Variants in PIEZO2 observed in about 807,000 individuals in gnomAD.
The protein encoded by PIEZO2 is piezo type mechanosensitive ion channel component 2.
Under a neutral mutation model 337.3 loss-of-function variants are expected in PIEZO2, and 172 were observed. That is an observed-to-expected ratio of 0.51 (90% confidence interval 0.45 to 0.58). The LOEUF (loss-of-function observed/expected upper bound fraction) is 0.58. PIEZO2 is among the 20% of genes least tolerant of loss of function. PIEZO2 has a pLI of 0.00. For synonymous variants in PIEZO2, 1,251 were observed against 1,228.5 expected (o/e 1.02, Z -0.38); for missense variants, 3,028 against 3,391.3 (o/e 0.89, Z 2.66).
chr18:11,010,760 C>A (rs80130388), intron 2 of PIEZO2, among the ~76,000 whole-genome samples: 2,042 of 152,260 alleles, frequency 0.013, 52 homozygotes, highest in African/African-American at 0.047. Flanking sequence ...TTACTTTGCC[C>A]TTCATGGCAA....
chr18:10,967,406 A>C (rs903871587), intron 3 of PIEZO2, among the ~76,000 whole-genome samples: 3 of 152,072 alleles, frequency 2.0e-5, no homozygotes, highest in Non-Finnish European at 2.9e-5. Flanking sequence ...TGCTCCTATA[A>C]ACATGTGTGT....
At chr18:10,739,969 G>A (rs1450865715) in intron 33 of PIEZO2, 1 of 152,158 alleles carries the variant, frequency 6.6e-6, no homozygotes, top group Non-Finnish European at 1.5e-5. Context: ...TACTTTATTT[G>A]ATTTCCTAGT....
At chr18:10,790,550 T>C (rs905022223) in intron 14 of PIEZO2, among the ~76,000 whole-genome samples, 3 of 152,232 alleles carry the variant, frequency 2.0e-5, no homozygotes, top group African/African-American at 7.2e-5. Flanking sequence ...TATACTATTG[T>C]TAAGAAAGAA....
chr18:10,860,188 G>A (rs892334497), intron 5 of PIEZO2, among the ~76,000 whole-genome samples: 23 of 152,130 alleles, frequency 1.5e-4, no homozygotes, highest in African/African-American at 5.3e-4. Flanking sequence ...TTTGGAATTC[G>A]CCAGCATATG....
chr18:11,093,647 C>T (rs868353816), intron 1 of PIEZO2, among the ~76,000 whole-genome samples: 10 of 134,860 alleles, frequency 7.4e-5, no homozygotes, highest in South Asian at 2.5e-4. Context: ...AGTGCAGTGG[C>T]GCAATCTCGG....
Position 11,008,556 on chromosome 18 carries a change from C to T in PIEZO2, c.161-28896G>A, listed in dbSNP as rs369477620. ...GGCCCACTCTTGTTTAGTTCACTGG[C>T]TTCCAAAACATGACTCGGCTTCTGA... On this transcript the variant is annotated intron_variant, in intron 2 of 55. Transcript: ENST00000674853. Among the ~76,000 whole-genome samples, 61 of 152,292 alleles carry T rather than the reference C, an allele frequency of 4.0e-4. 1 individual carries two copies. Among genetic ancestry groups the T allele is most frequent in the African/African-American group, 1.4e-3 (60 of 41,560 alleles).
intron 1 of PIEZO2, among the ~76,000 whole-genome samples, chr18:11,138,741 T>A (rs1158808262): frequency 6.6e-6 from 1 of 152,158 alleles, no homozygotes; most frequent in Non-Finnish European, 1.5e-5. Context: ...TAATACAACA[T>A]TCTGTAATGA....
intron 4 of PIEZO2, among the ~76,000 whole-genome samples, chr18:10,893,449 T>G (rs1190179637): frequency 6.6e-6 from 1 of 151,164 alleles, no homozygotes; most frequent in South Asian, 2.1e-4. Context: ...TATTGACCCC[T>G]CTTTAATTCA....
intron 1 of PIEZO2, among the ~76,000 whole-genome samples, chr18:11,103,455 C>T (rs1048082996): frequency 4.6e-5 from 7 of 152,150 alleles, no homozygotes; most frequent in African/African-American, 1.7e-4. Context: ...ACTCCTAAGC[C>T]AGATAGAATC....
chr18:10,860,524 C>A (rs763939696), intron 5 of PIEZO2, among the ~76,000 whole-genome samples: 3 of 152,188 alleles, frequency 2.0e-5, no homozygotes, highest in Non-Finnish European at 4.4e-5. Context: ...AGGACACCCA[C>A]ACCATCGTCA....
At chr18:10,744,057 G>T in intron 31 of PIEZO2, 85 bp downstream of exon 31, 1 of 952,786 alleles carries the variant, frequency 1.0e-6, no homozygotes, top group Non-Finnish European at 1.6e-6. Context: ...TCAGGGGTTT[G>T]AGGCTCCCCA....
chr18:10,699,975 T>G (rs2035265732), intron 43 of PIEZO2, among the ~76,000 whole-genome samples: 2 of 152,374 alleles, frequency 1.3e-5, no homozygotes, highest in South Asian at 2.1e-4. Flanking sequence ...ACTCCGAGAA[T>G]GATCAATCCA....
chr18:10,750,062 C>T lies in PIEZO2; in HGVS notation c.4264+29G>A. 7 of 1,473,914 alleles carry T rather than the reference C, an allele frequency of 4.7e-6. No homozygotes were observed. The highest frequency in any genetic ancestry group is 6.4e-6 in the Non-Finnish European group (7 of 1,089,162). 91.3% of individuals were successfully genotyped at this position (1,473,914 alleles called of 1,614,324 possible). ...CAACTATCCTCCCTCTTCTGCCTTT[C>T]TGCCTTCACACTTGCTTTTCATACT... On this transcript the variant is annotated intron_variant, in intron 29 of 55. Transcript: ENST00000674853. This position sits in a 1 kb window ranked among gnomAD's most constrained non-coding sequence, Gnocchi z 4.1.
rs980821335 is a variant in PIEZO2 at position 10,973,596 on chromosome 18, A to C, written c.286+5939T>G. ...CACAGGTGGCCAGAAGTAAAGATAT[A>C]GCTTGGACCAGTTTTTTAAATTGTT... On this transcript the variant is annotated intron_variant, in intron 3 of 55. Transcript: ENST00000674853. This position sits in a 1 kb window ranked among gnomAD's most constrained non-coding sequence, Gnocchi z 4.9. Among the ~76,000 whole-genome samples, 1 of 152,258 alleles carries C rather than the reference A, an allele frequency of 6.6e-6. No individual in the cohort carries two copies. The highest frequency in any genetic ancestry group is 2.1e-4 in the South Asian group (1 of 4,832).
intron 2 of PIEZO2, among the ~76,000 whole-genome samples, chr18:11,049,734 C>A (rs937952554): frequency 3.3e-4 from 50 of 152,294 alleles, no homozygotes; most frequent in African/African-American, 2.4e-5. Flanking sequence ...CTTGGCTCTC[C>A]TTCTGTCTTG....
chr18:11,147,284 G>T (rs2040833625), intron 1 of PIEZO2, among the ~76,000 whole-genome samples: 1 of 152,146 alleles, frequency 6.6e-6, no homozygotes, highest in South Asian at 2.1e-4. Flanking sequence ...CCCTCCTGCT[G>T]CCCCGGGACC....
In PIEZO2 at chr18:10,697,859, C is replaced by T; in HGVS notation, c.6716G>A (p.Ser2239Asn). Residue 2239 changes from serine (S) to asparagine (N), a missense_variant, in exon 45 of 56, where the codon AGC becomes AAC. Ser to Asn is a conservative substitution (Grantham distance 46). Transcript: ENST00000674853. ...SQRGSTSTRN[S>N]SQKGSSVLSI... ...CAAAACACTGCTTCCTTTTTGACTG[C>T]TGTTTCGGGTGCTTGTGCTGCCTAG... 1 of 1,613,602 alleles carries T rather than the reference C, an allele frequency of 6.2e-7. No homozygotes were observed. Among genetic ancestry groups the T allele is most frequent in the East Asian group, 2.2e-5 (1 of 44,876 alleles).
Position 11,102,736 on chromosome 18 carries a change from A to G in PIEZO2, c.65-36514T>C, listed in dbSNP as rs905540878. 3.3e-5 allele frequency among the ~76,000 whole-genome samples: 5 copies of G among 151,952 alleles called. No individual in the cohort carries two copies. The highest frequency in any genetic ancestry group is 7.3e-5 in the African/African-American group (3 of 41,368). ...ATTCCCCTCTGCCCATGATTCTCCT[A>G]TGGCCCACACCCTGCAGCCTCAATG... On this transcript the variant is annotated intron_variant, in intron 1 of 55. Coordinates refer to ENST00000674853, the MANE Select transcript of PIEZO2 (RefSeq NM_001378183.1). The surrounding 1 kb of genome is among the most constrained non-coding windows in gnomAD (Gnocchi z 5.7).
intron 1 of PIEZO2, among the ~76,000 whole-genome samples, chr18:11,113,609 A>G (rs2039799411): frequency 6.6e-6 from 1 of 152,314 alleles, no homozygotes; most frequent in Admixed American, 6.5e-5. Flanking sequence ...CGCAGGTATC[A>G]TGGTCACATG....
Sources: allele counts gnomAD v4.1 joint callset (sites outside exome capture counted in the v4.1 genomes callset), GRCh38; gene constraint gnomAD v4.1.1; non-coding constraint Gnocchi (gnomAD v3.1); transcripts MANE v1.5; gene names NCBI Gene and HGNC (gene_info 2026-07-23, HGNC 2026-07-21).